USP24: variants seen among roughly 807,000 people sequenced by gnomAD.
USP24 encodes ubiquitin carboxyl-terminal hydrolase 24.
A neutral mutation model predicts 361.6 loss-of-function variants in USP24; 97 were observed. That is an observed-to-expected ratio of 0.27 (90% CI 0.23 to 0.32). The LOEUF is 0.32. Ranked by LOEUF, USP24 falls within the 10% of genes least tolerant of loss-of-function variation. The probability of loss-of-function intolerance (pLI) is 1.00; values close to 1 mark genes in which losing one functional copy is unlikely to be tolerated. For missense variants in USP24, 2,353 were observed against 3,165.6 expected, an observed-to-expected ratio of 0.74 and a Z score of 6.16; for synonymous variants, 1,098 against 1,124.6, an observed-to-expected ratio of 0.98 and a Z score of 0.47.
At chr1:55,171,911 A>C (rs757004824) in intron 4 of USP24, among the ~76,000 whole-genome samples, 11 of 152,158 alleles carry the variant, frequency 7.2e-5, no homozygotes, top group Admixed American at 4.6e-4. Flanking sequence ...ACAGGATAAG[A>C]GGTCTGACTC....
chr1:55,170,904 G>A (rs1215095674), intron 5 of USP24, among the ~76,000 whole-genome samples: 3 of 152,094 alleles, frequency 2.0e-5, no homozygotes, highest in Non-Finnish European at 4.4e-5. Context: ...CTCAAACTTA[G>A]AATAATGCCA....
At chr1:55,070,252 A>G (rs902444667) in intron 67 of USP24, among the ~76,000 whole-genome samples, 1 of 150,988 alleles carries the variant, frequency 6.6e-6, no homozygotes, top group African/African-American at 2.5e-5. Context: ...CGTCAAGAAC[A>G]AGAGAGCTGG....
intron 1 of USP24, among the ~76,000 whole-genome samples, chr1:55,210,000 TACA>T (rs760008054): frequency 1.3e-5 from 2 of 152,208 alleles, no homozygotes; most frequent in African/African-American, 2.4e-5. Flanking sequence ...GCTAAAACAT[TACA>T]ACATTTGCTT....
chr1:55,071,494 G>C, intron 67 of USP24: 6 of 1,078,816 alleles, frequency 5.6e-6, no homozygotes, highest in Non-Finnish European at 6.8e-6. Context: ...CAGTAACCTG[G>C]CAAGGCAGAA....
At chr1:55,103,673 A>G (rs1645697211) in intron 42 of USP24, among the ~76,000 whole-genome samples, 2 of 152,218 alleles carry the variant, frequency 1.3e-5, no homozygotes, top group South Asian at 4.1e-4. Context: ...TCCCTCTTTA[A>G]TTAAAAGGAT....
chr1:55,098,473 C>T lies in USP24; in HGVS notation c.5453+3G>A. 1 of 1,609,096 alleles carries T rather than the reference C, an allele frequency of 6.2e-7. No individual in the cohort carries two copies. The highest frequency in any genetic ancestry group is 8.5e-7 in the Non-Finnish European group (1 of 1,176,406). ...TTCCTGTGTCGGTGATATCTTCACTCACCTGTGAGGACAGTCTTTACAGAT... is the reference window on the plus strand; with the variant it reads ...TTCCTGTGTCGGTGATATCTTCACTTACCTGTGAGGACAGTCTTTACAGAT... On this transcript the variant is annotated splice_donor_region_variant and intron_variant, in intron 46 of 67. Transcript: ENST00000294383.
rs1235959587 is a variant in USP24, at chr1:55,149,124, A to T, written c.1861-554T>A. Among the ~76,000 whole-genome samples the T allele has an allele frequency of 2.0e-5, 3 of 152,208 alleles. No individual in the cohort carries two copies. In the South Asian group the frequency reaches 6.2e-4, roughly 31 times the overall value. ...TAATTCTATTTTTATTATTACAGAC[A>T]TTTTACACTTACACTGTACATTTTT... On this transcript the variant is annotated intron_variant, in intron 16 of 67. Transcript: ENST00000294383.
chr1:55,093,830 T>C, intron 52 of USP24, 107 bp downstream of exon 52: 1 of 1,461,582 alleles, frequency 6.8e-7, no homozygotes, highest in Non-Finnish European at 9.2e-7. Flanking sequence ...TAAGACGATG[T>C]AGCCCCAGTG....
chr1:55,078,995 TA>T (rs993357920), intron 60 of USP24, among the ~76,000 whole-genome samples: 145 of 144,810 alleles, frequency 1.0e-3, no homozygotes, highest in Non-Finnish European at 1.5e-3. Context: ...ACTGTTAATT[TA>T]AAAAAAAAAA....
intron 39 of USP24, among the ~76,000 whole-genome samples, chr1:55,108,425 T>C (rs577326453): frequency 6.6e-6 from 1 of 152,242 alleles, no homozygotes; most frequent in Non-Finnish European, 1.5e-5. Context: ...CCCTTTAGGG[T>C]CAGTCAGAGC....
intron 1 of USP24, among the ~76,000 whole-genome samples, chr1:55,201,021 C>CA (rs1009356684): frequency 6.6e-6 from 1 of 152,116 alleles, no homozygotes; most frequent in Non-Finnish European, 1.5e-5. Context: ...GGCAATAGCT[C>CA]AAAAAATGTT....
intron 1 of USP24, among the ~76,000 whole-genome samples, chr1:55,212,133 G>A (rs1644860849): frequency 1.3e-5 from 2 of 152,180 alleles, no homozygotes; most frequent in South Asian, 2.1e-4. Context: ...TTTGGGGCCC[G>A]AAAGGGTGCA....
At chr1:55,149,406 T>C (rs2100722510) in intron 16 of USP24, among the ~76,000 whole-genome samples, 1 of 152,324 alleles carries the variant, frequency 6.6e-6, no homozygotes, top group Admixed American at 6.5e-5. Context: ...AGTTTTTGTT[T>C]TAATGCCTCC....
At chr1:55,119,404 G>C (rs939407436) in intron 38 of USP24, among the ~76,000 whole-genome samples, 4 of 152,108 alleles carry the variant, frequency 2.6e-5, no homozygotes, top group African/African-American at 9.7e-5. Flanking sequence ...GGTGGTTGCC[G>C]TGGGATGGGG....
chr1:55,146,169 C>T, intron 19 of USP24, 60 bp from the exon 20 acceptor site: 1 of 1,214,860 alleles, frequency 8.2e-7, no homozygotes, highest in South Asian at 1.4e-5. Context: ...CATACATATT[C>T]CAAACTGGAA....
At chr1:55,072,275 A>G (rs769757293) in intron 66 of USP24, 42 bp downstream of exon 66, 22 of 1,559,002 alleles carry the variant, frequency 1.4e-5, no homozygotes, top group African/African-American at 4.1e-5. Context: ...AAAATCCTCC[A>G]TAAGTGATTT....
chr1:55,078,797 T>C (rs922736491), intron 60 of USP24, 146 bp from the exon 61 acceptor site: 5 of 575,196 alleles, frequency 8.7e-6, no homozygotes, highest in African/African-American at 1.9e-5. Context: ...TAGAAGTCTA[T>C]AGATAGACTT....
chr1:55,097,202 G>T, intron 48 of USP24, 30 bp from the exon 49 acceptor site: 1 of 1,609,510 alleles, frequency 6.2e-7, no homozygotes, highest in Non-Finnish European at 8.5e-7. Context: ...CCATATTAAC[G>T]TTGATTACTA....
At chr1:55,071,245 CG>C (rs1329502660) in intron 67 of USP24, 1 of 987,698 alleles carries the variant, frequency 1.0e-6, no homozygotes, top group African/African-American at 1.7e-5. Flanking sequence ...ATTGGAAAGA[CG>C]TAATGATTAA....
Sources: gnomAD v4.1 joint callset for allele counts (sites outside exome capture counted in the v4.1 genomes callset) on GRCh38, gnomAD v4.1.1 for gene constraint, MANE v1.5 for transcripts, NCBI Gene and HGNC (gene_info 2026-07-23, HGNC 2026-07-21) for gene names.